FUT9: variants seen among roughly 807,000 people sequenced by gnomAD.
FUT9 encodes 4-galactosyl-N-acetylglucosaminide 3-alpha-L-fucosyltransferase 9.
FUT9 carries 15 observed loss-of-function variants against 29.7 expected under a neutral mutation model. That is an observed-to-expected ratio of 0.51 (90% CI 0.34 to 0.78). The LOEUF is 0.78. FUT9 is among the 30% of genes least tolerant of loss of function. The probability of loss-of-function intolerance (pLI) is 0.01; values close to 1 mark genes in which losing one functional copy is unlikely to be tolerated. For synonymous variants in FUT9, 169 were observed against 153.7 expected (o/e 1.10, Z -0.74); for missense variants, 319 against 425.4 (o/e 0.75, Z 2.20).
intron 2 of FUT9, among the ~76,000 whole-genome samples, chr6:96,120,269 C>CTTTTTTTTTTTTTTTTT (rs11347804): frequency 1.4e-4 from 13 of 91,458 alleles, no homozygotes; most frequent in Non-Finnish European, 1.9e-4. Context: ...TTTTTTCTTT[C>CTTTTTTTTTTTTTTTTT]TTTTTTTTTT....
At chr6:96,191,076 T>C (rs538409524) in intron 2 of FUT9, among the ~76,000 whole-genome samples, 8 of 152,164 alleles carry the variant, frequency 5.3e-5, no homozygotes, top group Non-Finnish European at 1.0e-4. Context: ...GACATACAGA[T>C]GGGGTTTTGG....
intron 2 of FUT9, among the ~76,000 whole-genome samples, chr6:96,157,714 G>A (rs1015265054): frequency 1.3e-5 from 2 of 151,972 alleles, no homozygotes; most frequent in African/African-American, 4.8e-5. Flanking sequence ...TATAAAACAG[G>A]AATAAAACCA....
chr6:96,029,292 G>A (rs569940795), intron 1 of FUT9, among the ~76,000 whole-genome samples: 19 of 151,692 alleles, frequency 1.3e-4, no homozygotes, highest in African/African-American at 4.3e-4. Flanking sequence ...CCTGACGCAA[G>A]GGTAGTTTGA....
In FUT9 at chr6:96,090,401, A is replaced by G. The variant is rs1174406481; in HGVS notation, c.-97-23638A>G. 2.0e-5 allele frequency among the ~76,000 whole-genome samples: 3 copies of G among 152,146 alleles called. No homozygotes were observed. In the East Asian group the frequency reaches 5.8e-4, roughly 29 times the overall value. On this transcript the variant is annotated intron_variant, in intron 1 of 2. Coordinates refer to ENST00000302103, the MANE Select transcript of FUT9 (RefSeq NM_006581.4). The stretch of plus-strand genomic sequence containing the variant: ...GATGTAGTTAAAACAATACTTATAG[A>G]CTACAATTTATATATTTTAAAAGTA...
chr6:96,123,451 A>G (rs930570907), intron 2 of FUT9, among the ~76,000 whole-genome samples: 3 of 152,184 alleles, frequency 2.0e-5, no homozygotes, highest in Non-Finnish European at 4.4e-5. Context: ...TGACTTCCAG[A>G]GGCGTAAGTG....
At chr6:96,031,780 C>A (rs1770266283) in intron 1 of FUT9, among the ~76,000 whole-genome samples, 1 of 151,478 alleles carries the variant, frequency 6.6e-6, no homozygotes, top group African/African-American at 2.4e-5. Flanking sequence ...ACTTTTAAGT[C>A]TTTTTAAATA....
chr6:96,102,267 TA>T (rs1224224686), intron 1 of FUT9, among the ~76,000 whole-genome samples: 2 of 152,108 alleles, frequency 1.3e-5, no homozygotes, highest in Non-Finnish European at 2.9e-5. Flanking sequence ...ACATATTTAT[TA>T]CAATGACAAG....
intron 1 of FUT9, among the ~76,000 whole-genome samples, chr6:96,111,571 A>T (rs1357348256): frequency 7.9e-5 from 12 of 151,682 alleles, no homozygotes; most frequent in African/African-American, 2.9e-4. Flanking sequence ...ACACACACAC[A>T]CACACACACA....
chr6:96,190,103 T>TA (rs1773478009), intron 2 of FUT9, among the ~76,000 whole-genome samples: 1 of 152,162 alleles, frequency 6.6e-6, no homozygotes, highest in Non-Finnish European at 1.5e-5. Context: ...GCAGGCCTGG[T>TA]GGTGACAAAA....
intron 2 of FUT9, among the ~76,000 whole-genome samples, chr6:96,174,269 A>G (rs368582918): frequency 1.3e-5 from 2 of 152,152 alleles, no homozygotes; most frequent in Non-Finnish European, 2.9e-5. Context: ...GCACATTATT[A>G]TAGAGATGTT....
At chr6:96,026,355 G>A (rs183877900) in intron 1 of FUT9, among the ~76,000 whole-genome samples, 1 of 151,604 alleles carries the variant, frequency 6.6e-6, no homozygotes. Flanking sequence ...GGAAGCTTTT[G>A]GAACAAATAT....
At chr6:96,081,065 A>G (rs1281037207) in intron 1 of FUT9, among the ~76,000 whole-genome samples, 2 of 151,842 alleles carry the variant, frequency 1.3e-5, no homozygotes, top group East Asian at 3.9e-4. Context: ...CTCCATCTCC[A>G]TTGCTAAAAT....
intron 1 of FUT9, among the ~76,000 whole-genome samples, chr6:96,072,518 A>T (rs1299472770): frequency 6.6e-6 from 1 of 152,192 alleles, no homozygotes; most frequent in African/African-American, 2.4e-5. Flanking sequence ...GGAGAGGATC[A>T]TGTTTAAAAT....
At position 96,169,683 on chromosome 6, in the gene FUT9, G is replaced by A. The variant is rs6938768; in HGVS notation, c.-8-33465G>A. On this transcript the variant is annotated intron_variant, in intron 2 of 2. Transcript: ENST00000302103. ...CAAAGAACTATTCTAAAGTACTTCG[G>A]CAGTATAATTAAGCCTTTGTTTCTC... Among the ~76,000 whole-genome samples the A allele has an allele frequency of 4.6e-3, 706 of 152,072 alleles. 11 individuals carry two copies. Among genetic ancestry groups the A allele is most frequent in the African/African-American group, 0.016 (671 of 41,478 alleles).
intron 1 of FUT9, among the ~76,000 whole-genome samples, chr6:96,067,962 G>A (rs1036643012): frequency 1.3e-5 from 2 of 152,040 alleles, no homozygotes; most frequent in Non-Finnish European, 2.9e-5. Context: ...TATAATAGGT[G>A]TTGAATGAAT....
chr6:96,156,265 T>C (rs979227151), intron 2 of FUT9, among the ~76,000 whole-genome samples: 1 of 152,178 alleles, frequency 6.6e-6, no homozygotes, highest in Non-Finnish European at 1.5e-5. Flanking sequence ...AATTTTTTTG[T>C]TGGTGTTTAT....
chr6:96,036,770 C>T (rs1409298995), intron 1 of FUT9: 1 of 151,882 alleles, frequency 6.6e-6, no homozygotes, highest in East Asian at 1.9e-4. Context: ...AAGGAAAGCA[C>T]CTCCAATCCA....
intron 2 of FUT9, among the ~76,000 whole-genome samples, chr6:96,190,825 C>T (rs1773493780): frequency 6.6e-6 from 1 of 152,026 alleles, no homozygotes; most frequent in South Asian, 2.1e-4. Context: ...TTTTTCAAGG[C>T]TTTTAGCTTC....
intron 1 of FUT9, among the ~76,000 whole-genome samples, chr6:96,078,438 T>G (rs1771178995): frequency 7.4e-6 from 1 of 134,322 alleles, no homozygotes; most frequent in African/African-American, 2.7e-5. Flanking sequence ...TTTTTTTTTT[T>G]GAGACGGAGC....
Sources: gnomAD v4.1 joint callset for allele counts (sites outside exome capture counted in the v4.1 genomes callset) on GRCh38, gnomAD v4.1.1 for gene constraint, MANE v1.5 for transcripts, NCBI Gene and HGNC (gene_info 2026-07-23, HGNC 2026-07-21) for gene names.